Variants in LDB2 observed in about 807,000 individuals in gnomAD.
LDB2 encodes the protein LIM domain-binding protein 2.
Under a neutral mutation model 44.3 loss-of-function variants are expected in LDB2, and 12 were observed. The ratio of observed to expected loss-of-function variants is 0.27; its 90% confidence interval spans 0.17 to 0.44. The LOEUF (loss-of-function observed/expected upper bound fraction) is 0.44, where lower values mean the gene tolerates loss of function less well. Among genes scored for constraint, LDB2 ranks in the 20% least tolerant of loss-of-function variants. The pLI, the probability that LDB2 is intolerant of heterozygous loss-of-function variation, is 1.00. For synonymous variants in LDB2, 164 were observed against 174.8 expected (o/e 0.94, Z 0.49); for missense variants, 344 against 473.5 (o/e 0.73, Z 2.54).
rs555427826 is a variant in LDB2, at chr4:16,692,546, T to C, written c.235+66612A>G. ...ACAAGTTTAATTTTTTTCTTTTCTG[T>C]GGAAAGAAAAAATACTTTTTTTTTC... On this transcript the variant is annotated intron_variant, in intron 2 of 7. Transcript: ENST00000304523. Among the ~76,000 whole-genome samples the C allele has an allele frequency of 2.6e-5, 4 of 152,182 alleles. No homozygotes were observed. In the South Asian group the frequency reaches 6.2e-4, roughly 24 times the overall value.
intron 4 of LDB2, among the ~76,000 whole-genome samples, chr4:16,586,612 A>G (rs759674919): frequency 6.6e-6 from 1 of 152,056 alleles, no homozygotes; most frequent in African/African-American, 2.4e-5. Context: ...GGAAATAGAT[A>G]TCCCCAACAA....
intron 2 of LDB2, among the ~76,000 whole-genome samples, chr4:16,601,742 C>T (rs2152451418): frequency 6.6e-6 from 1 of 152,204 alleles, no homozygotes; most frequent in South Asian, 2.1e-4. Context: ...AATGGAAATT[C>T]TATTATTCAG....
At chr4:16,885,542 T>C (rs1721415648) in intron 1 of LDB2, among the ~76,000 whole-genome samples, 1 of 152,162 alleles carries the variant, frequency 6.6e-6, no homozygotes, top group Non-Finnish European at 1.5e-5. Flanking sequence ...TTTTGAGGTA[T>C]CCCTTTTCTT....
intron 1 of LDB2, among the ~76,000 whole-genome samples, chr4:16,893,846 T>A (rs1489306323): frequency 6.6e-6 from 1 of 152,108 alleles, no homozygotes; most frequent in Non-Finnish European, 1.5e-5. Flanking sequence ...CTTAAAAATA[T>A]CTTCACTTAA....
chr4:16,826,927 G>T (rs567037495), intron 1 of LDB2, among the ~76,000 whole-genome samples: 2 of 152,304 alleles, frequency 1.3e-5, no homozygotes, highest in Non-Finnish European at 2.9e-5. Flanking sequence ...CGGGTAATTT[G>T]AGATTGATTA....
At chr4:16,810,450 G>A (rs1436249956) in intron 1 of LDB2, among the ~76,000 whole-genome samples, 1 of 152,110 alleles carries the variant, frequency 6.6e-6, no homozygotes, top group East Asian at 1.9e-4. Context: ...AATTGTATAT[G>A]AGCTTCTTAA....
At chr4:16,558,437 A>C (rs184305741) in intron 5 of LDB2, among the ~76,000 whole-genome samples, 2 of 152,376 alleles carry the variant, frequency 1.3e-5, no homozygotes, top group African/African-American at 4.8e-5. Context: ...AGCCGATGCG[A>C]TCAACTGGAA....
chr4:16,844,685 T>C (rs1378435150), intron 1 of LDB2, among the ~76,000 whole-genome samples: 1 of 152,134 alleles, frequency 6.6e-6, no homozygotes. Context: ...GTTTGTTTTG[T>C]TTTTGTTTTT....
intron 2 of LDB2, among the ~76,000 whole-genome samples, chr4:16,683,300 A>G (rs1748420423): frequency 6.6e-6 from 1 of 152,216 alleles, no homozygotes; most frequent in South Asian, 2.1e-4. Context: ...ATGCTTTCTC[A>G]ATCCCAAGAG....
chr4:16,784,538 A>C (rs1355812955), intron 1 of LDB2, among the ~76,000 whole-genome samples: 1 of 152,192 alleles, frequency 6.6e-6, no homozygotes, highest in East Asian at 1.9e-4. Context: ...CATAAAGAGC[A>C]ATGGTTCAGG....
intron 1 of LDB2, among the ~76,000 whole-genome samples, chr4:16,806,049 C>A (rs1352000108): frequency 6.6e-6 from 1 of 152,170 alleles, no homozygotes; most frequent in Non-Finnish European, 1.5e-5. Context: ...TCATATAATT[C>A]TCACCATATT....
intron 5 of LDB2, among the ~76,000 whole-genome samples, chr4:16,581,148 T>A (rs1403030866): frequency 6.6e-6 from 1 of 152,322 alleles, no homozygotes; most frequent in African/African-American, 2.4e-5. Flanking sequence ...TGAAAGATTC[T>A]GATGTGCTCT....
chr4:16,834,230 T>A (rs1784522392), intron 1 of LDB2, among the ~76,000 whole-genome samples: 1 of 131,346 alleles, frequency 7.6e-6, no homozygotes. Flanking sequence ...TAGGGACTTA[T>A]TAATGAATTG....
chr4:16,848,078 C>T (rs1298446020), intron 1 of LDB2, among the ~76,000 whole-genome samples: 1 of 152,074 alleles, frequency 6.6e-6, no homozygotes, highest in African/African-American at 2.4e-5. Flanking sequence ...TTGATGAATG[C>T]TGAAAGGTAT....
At chr4:16,685,901 A>G (rs774327921) in intron 2 of LDB2, among the ~76,000 whole-genome samples, 1 of 152,110 alleles carries the variant, frequency 6.6e-6, no homozygotes, top group Non-Finnish European at 1.5e-5. Flanking sequence ...ATCCAAAAAA[A>G]AGTAGTTGGG....
chr4:16,748,927 AG>A (rs1211063198), intron 2 of LDB2, among the ~76,000 whole-genome samples: 1 of 152,230 alleles, frequency 6.6e-6, no homozygotes, highest in Admixed American at 6.5e-5. Flanking sequence ...TTGAAACAAA[AG>A]CTCGCTGGAT....
At chr4:16,508,792 A>C in intron 6 of LDB2, 106 bp from the exon 7 acceptor site, 2 of 1,075,480 alleles carry the variant, frequency 1.9e-6, no homozygotes, top group Non-Finnish European at 2.6e-6. Context: ...TGAAGAGTAG[A>C]CTATTTAAAC....
chr4:16,748,712 T>A (rs1368905836), intron 2 of LDB2, among the ~76,000 whole-genome samples: 1 of 152,192 alleles, frequency 6.6e-6, no homozygotes, highest in African/African-American at 2.4e-5. Context: ...TCACCAGCCA[T>A]TATTATCTAA....
At chr4:16,554,133 T>A (rs1037472806) in intron 5 of LDB2, among the ~76,000 whole-genome samples, 4 of 150,460 alleles carry the variant, frequency 2.7e-5, no homozygotes, top group Admixed American at 2.0e-4. Context: ...TCACCACAAC[T>A]TCCACCTCCC....
Sources: gnomAD v4.1 joint callset for allele counts (sites outside exome capture counted in the v4.1 genomes callset) on GRCh38, gnomAD v4.1.1 for gene constraint, MANE v1.5 for transcripts, NCBI Gene and HGNC (gene_info 2026-07-23, HGNC 2026-07-21) for gene names.